Variants in GRID1 observed in about 807,000 individuals in gnomAD.
The protein encoded by GRID1 is glutamate receptor ionotropic, delta-1.
In GRID1, 28 loss-of-function variants were observed where a neutral mutation model predicts 98.0. The ratio of observed to expected loss-of-function variants is 0.29; its 90% CI spans 0.21 to 0.39. The LOEUF (loss-of-function observed/expected upper bound fraction) is 0.39. Among genes scored for constraint, GRID1 ranks in the 10% least tolerant of loss-of-function variants. The pLI, the probability that GRID1 is intolerant of heterozygous loss-of-function variation, is 1.00. For synonymous variants in GRID1, 553 were observed against 538.5 expected, an observed-to-expected ratio of 1.03 and a Z score of -0.37; for missense variants, 1,111 against 1,340.5, an observed-to-expected ratio of 0.83 and a Z score of 2.67.
At chr10:86,324,827 T>C (rs887644433) in intron 2 of GRID1, among the ~76,000 whole-genome samples, 2 of 151,868 alleles carry the variant, frequency 1.3e-5, no homozygotes, top group Admixed American at 6.6e-5. Context: ...TTTTTTGACA[T>C]AACTTTTTAC....
At chr10:85,968,175 G>A (rs139248480) in intron 4 of GRID1, among the ~76,000 whole-genome samples, 3 of 152,006 alleles carry the variant, frequency 2.0e-5, no homozygotes, top group Non-Finnish European at 4.4e-5. Context: ...TGCCTGCCAG[G>A]TGCAGTGGCT....
At chr10:86,274,453 C>T (rs1847235507) in intron 2 of GRID1, among the ~76,000 whole-genome samples, 1 of 152,178 alleles carries the variant, frequency 6.6e-6, no homozygotes, top group South Asian at 2.1e-4. Flanking sequence ...TGAAGAAAGT[C>T]ATTGGTAGCT....
chr10:86,274,412 A>G (rs1847234672), intron 2 of GRID1, among the ~76,000 whole-genome samples: 1 of 152,186 alleles, frequency 6.6e-6, no homozygotes, highest in African/African-American at 2.4e-5. Flanking sequence ...TTGGTTCCAT[A>G]TGAACTTTAA....
chr10:86,136,858 T>C (rs898763788), intron 4 of GRID1, among the ~76,000 whole-genome samples: 6 of 152,180 alleles, frequency 3.9e-5, no homozygotes, highest in Non-Finnish European at 8.8e-5. Context: ...TTGGATACTA[T>C]TCTCACCACC....
At chr10:86,070,431 A>G (rs1349761181) in intron 4 of GRID1, among the ~76,000 whole-genome samples, 2 of 152,188 alleles carry the variant, frequency 1.3e-5, no homozygotes, top group Admixed American at 1.3e-4. Flanking sequence ...CCTGGCATAA[A>G]TTAAGATTAT....
chr10:85,766,452 C>T (rs978266969), intron 8 of GRID1, among the ~76,000 whole-genome samples: 1 of 152,174 alleles, frequency 6.6e-6, no homozygotes, highest in Non-Finnish European at 1.5e-5. Context: ...CCCCACTGCA[C>T]TCCACTCTGG....
intron 2 of GRID1, among the ~76,000 whole-genome samples, chr10:86,284,344 C>T (rs751051122): frequency 6.6e-6 from 1 of 152,168 alleles, no homozygotes; most frequent in Non-Finnish European, 1.5e-5. Flanking sequence ...GCTGCATTTT[C>T]AATTACAAAT....
At chr10:85,628,283 G>A (rs1225382140) in intron 13 of GRID1, among the ~76,000 whole-genome samples, 1 of 151,628 alleles carries the variant, frequency 6.6e-6, no homozygotes, top group Non-Finnish European at 1.5e-5. Flanking sequence ...TGTATGTGAG[G>A]ATGTGAGAAT....
chr10:86,032,829 TAAAAAA>T (rs58350170), intron 4 of GRID1, among the ~76,000 whole-genome samples: 1 of 109,884 alleles, frequency 9.1e-6, no homozygotes, highest in Non-Finnish European at 1.8e-5. Flanking sequence ...AATAAATACT[TAAAAAA>T]AAAAAAAAAA....
intron 4 of GRID1, among the ~76,000 whole-genome samples, chr10:86,066,924 T>C (rs1843727610): frequency 1.3e-5 from 2 of 152,136 alleles, no homozygotes; most frequent in Admixed American, 6.5e-5. Context: ...TGGTAGGGCC[T>C]GGGGCTTTCC....
chr10:86,113,464 T>C (rs1251705884), intron 4 of GRID1, among the ~76,000 whole-genome samples: 1 of 152,082 alleles, frequency 6.6e-6, no homozygotes, highest in Non-Finnish European at 1.5e-5. Flanking sequence ...AGCAATCAGA[T>C]GTTAGCTGAA....
chr10:86,333,248 C>G (rs551096156), intron 2 of GRID1, among the ~76,000 whole-genome samples: 1 of 152,354 alleles, frequency 6.6e-6, no homozygotes, highest in Admixed American at 6.5e-5. Context: ...CTGGTCAACT[C>G]CTATCCACAT....
rs60759232 is a variant in GRID1, at chr10:85,790,207, C to T, written c.1234-60593G>A. 5.3e-3 allele frequency among the ~76,000 whole-genome samples: 803 copies of T among 152,330 alleles called. 6 individuals are homozygous for T. The highest frequency in any genetic ancestry group is 0.018 in the African/African-American group (756 of 41,568). On this transcript the variant is annotated intron_variant, in intron 8 of 15. Coordinates refer to ENST00000327946, the MANE Select transcript of GRID1 (RefSeq NM_017551.3). ...CAGCCCCAGATGTGGGAGGACAAGG[C>T]TGTGTTTCCCTTCGTCCCCTGTCAT...
At chr10:86,292,939 C>T (rs1847537254) in intron 2 of GRID1, among the ~76,000 whole-genome samples, 1 of 151,946 alleles carries the variant, frequency 6.6e-6, no homozygotes, top group African/African-American at 2.4e-5. Context: ...TGGATGGGGG[C>T]AGATGGATGG....
At chr10:85,674,507 A>G (rs1316785065) in intron 12 of GRID1, among the ~76,000 whole-genome samples, 2 of 152,220 alleles carry the variant, frequency 1.3e-5, no homozygotes, top group African/African-American at 4.8e-5. Context: ...TCCAGGGATC[A>G]TCATATAGAT....
At chr10:85,823,037 A>G (rs12770051) in intron 8 of GRID1, among the ~76,000 whole-genome samples, 36,589 of 152,080 alleles carry the variant, frequency 0.24, 4,755 homozygotes, top group African/African-American at 0.33. Context: ...AGGGCCTGTC[A>G]TGAGTTGCGG....
chr10:85,813,741 T>C (rs1458345239), intron 8 of GRID1, among the ~76,000 whole-genome samples: 1 of 151,864 alleles, frequency 6.6e-6, no homozygotes, highest in Non-Finnish European at 1.5e-5. Context: ...TCTTATATCT[T>C]AAGTACTTTT....
At chr10:85,779,657 A>G (rs1842364149) in intron 8 of GRID1, among the ~76,000 whole-genome samples, 1 of 152,110 alleles carries the variant, frequency 6.6e-6, no homozygotes, top group Admixed American at 6.5e-5. Flanking sequence ...CCACTCTACA[A>G]GCAGAAATGT....
At chr10:85,651,425 C>G (rs1590175349) in intron 12 of GRID1, among the ~76,000 whole-genome samples, 1 of 152,306 alleles carries the variant, frequency 6.6e-6, no homozygotes, top group Admixed American at 6.5e-5. Context: ...GCCCATCTGT[C>G]TCCCCAGTGA....
Sources: allele counts gnomAD v4.1 joint callset (sites outside exome capture counted in the v4.1 genomes callset), GRCh38; gene constraint gnomAD v4.1.1; transcripts MANE v1.5; gene names NCBI Gene and HGNC (gene_info 2026-07-23, HGNC 2026-07-21).